Variants in GFPT2 observed in about 807,000 individuals in gnomAD.
The protein encoded by GFPT2 is glutamine--fructose-6-phosphate transaminase 2.
A neutral mutation model predicts 85.6 loss-of-function variants in GFPT2; 62 were observed. The observed-to-expected ratio is 0.72, with a 90% CI of 0.59 to 0.90. GFPT2 has a LOEUF of 0.90. Ranked by LOEUF, GFPT2 falls within the 40% of genes least tolerant of loss-of-function variation. The probability of loss-of-function intolerance (pLI) is 0.00; values close to 1 mark genes in which losing one functional copy is unlikely to be tolerated. For missense variants in GFPT2, 788 were observed against 893.4 expected (o/e 0.88, Z 1.50); for synonymous variants, 368 against 344.5 (o/e 1.07, Z -0.75).
At chr5:180,340,649 C>A (rs1764497611) in intron 1 of GFPT2, among the ~76,000 whole-genome samples, 1 of 151,612 alleles carries the variant, frequency 6.6e-6, no homozygotes, top group South Asian at 2.1e-4. Context: ...GTAGCTGGGA[C>A]TACAGGTGCC....
At position 180,330,651 on chromosome 5, in the gene GFPT2, T is replaced by C. The variant is rs1764284760; in HGVS notation, c.534+49A>G. On this transcript the variant is annotated intron_variant, in intron 6 of 18. Transcript: ENST00000253778. The surrounding 1 kb of genome is among the most constrained non-coding windows in gnomAD (Gnocchi z 4.4). Reference sequence around the variant, plus strand: ...ACTTGCTGCTTGAAAAAAATGTTTTTAATGAAAGAATGAAGGAATGAGTTA... The same window carrying C: ...ACTTGCTGCTTGAAAAAAATGTTTTCAATGAAAGAATGAAGGAATGAGTTA... The C allele has an allele frequency of 6.6e-7, 1 of 1,515,800 alleles. No individual in the cohort carries two copies. Among genetic ancestry groups the C allele is most frequent in the East Asian group, 2.3e-5 (1 of 44,164 alleles). 93.9% of individuals were successfully genotyped at this position (1,515,800 alleles called of 1,614,324 possible).
intron 7 of GFPT2, among the ~76,000 whole-genome samples, chr5:180,325,897 T>C (rs1277746670): frequency 2.6e-5 from 4 of 151,914 alleles, no homozygotes; most frequent in Admixed American, 1.3e-4. Context: ...TGGTGGGGGG[T>C]GCCTGTAATC....
rs918234279 is a variant in GFPT2, at chr5:180,305,079, G to A, written c.1675-140C>T. Reference sequence around the variant, plus strand: ...GGGTTGCAAGGCAGACAGATGCCTGGAGTGCTTGACAGCACTGAGGACACC... The same window carrying A: ...GGGTTGCAAGGCAGACAGATGCCTGAAGTGCTTGACAGCACTGAGGACACC... On this transcript the variant is annotated intron_variant, in intron 16 of 18. Transcript: ENST00000253778. The A allele has an allele frequency of 3.8e-5, 26 of 682,788 alleles. No individual in the cohort carries two copies. In the Middle Eastern group the frequency reaches 1.2e-3, roughly 31 times the overall value. The allele number at this position is 682,788 out of a possible 1,614,324, so 42.3% of individuals were successfully genotyped here. A position where few individuals can be genotyped will look rare whatever the true frequency, so the allele number is the denominator to read the frequency against.
intron 15 of GFPT2, 62 bp downstream of exon 15, chr5:180,312,368 G>T (rs1016722352): frequency 2.3e-6 from 2 of 878,994 alleles, no homozygotes; most frequent in Non-Finnish European, 3.9e-6. Context: ...AGAGTCAACA[G>T]AGAATGGCCA....
chr5:180,339,474 T>C (rs1764468564), intron 1 of GFPT2, among the ~76,000 whole-genome samples: 1 of 151,758 alleles, frequency 6.6e-6, no homozygotes, highest in African/African-American at 2.4e-5. Flanking sequence ...ATGTTCAAGG[T>C]AGGCCTATGA....
intron 15 of GFPT2, among the ~76,000 whole-genome samples, chr5:180,311,485 C>T (rs1396876252): frequency 6.6e-6 from 1 of 152,358 alleles, no homozygotes; most frequent in Non-Finnish European, 1.5e-5. Flanking sequence ...ACGACAGCTG[C>T]GACTGCTGCT....
rs541221658 is a variant in GFPT2 at position 180,307,145 on chromosome 5, G to A, written c.1674+31C>T. 4.4e-5 allele frequency: 67 copies of A among 1,534,340 alleles called. No individual in the cohort carries two copies. The African/African-American group carries it at 8.1e-4, about 19-fold the overall frequency. Reference sequence around the variant, plus strand: ...TCAGGGTCTCCTGTGCCTGTCCTCCGTGGGGGTGGGGGCTGGGGGTGGGGG... The same window carrying A: ...TCAGGGTCTCCTGTGCCTGTCCTCCATGGGGGTGGGGGCTGGGGGTGGGGG... On this transcript the variant is annotated intron_variant, in intron 16 of 18. Coordinates refer to ENST00000253778, the MANE Select transcript of GFPT2 (RefSeq NM_005110.4).
At chr5:180,339,773 T>C (rs1228897592) in intron 1 of GFPT2, among the ~76,000 whole-genome samples, 3 of 152,230 alleles carry the variant, frequency 2.0e-5, no homozygotes, top group Non-Finnish European at 4.4e-5. Flanking sequence ...GCCACCTCAG[T>C]GCTCTCACGT....
intron 7 of GFPT2, among the ~76,000 whole-genome samples, chr5:180,325,650 G>A (rs901736868): frequency 6.6e-6 from 1 of 152,248 alleles, no homozygotes; most frequent in Non-Finnish European, 1.5e-5. Flanking sequence ...GGCTCTCTGA[G>A]CACCTCAGCA....
chr5:180,324,209 A>C lies in GFPT2; in HGVS notation c.773T>G (p.Phe258Cys). 6.2e-7 allele frequency: 1 copy of C among 1,605,572 alleles called. No individual in the cohort carries two copies. The highest frequency in any genetic ancestry group is 8.5e-7 in the Non-Finnish European group (1 of 1,172,710). ...TTACCTTGCATCAGAAGCAAAGAAG[A>C]ATTCCACGGCCTTGTCGCCCACAGC... ...LHAVGDKAVE[F>C]FFASDASAII... The change falls in exon 9 of 19, where the codon TTC becomes TGC. Residue 258 changes from phenylalanine (F) to cysteine (C), a missense_variant. Phe to Cys is a radical substitution (Grantham distance 205). Coordinates refer to ENST00000253778, the MANE Select transcript of GFPT2 (RefSeq NM_005110.4).
In GFPT2 at chr5:180,323,261, A is replaced by C. The variant is rs1320417155; in HGVS notation, c.794+927T>G. Reference sequence around the variant, plus strand: ...CGTGTTCTAAGGGGCACCATTTGGGAAGCGCTGCCTTGACCTCAGCGTTAA... The same window carrying C: ...CGTGTTCTAAGGGGCACCATTTGGGCAGCGCTGCCTTGACCTCAGCGTTAA... On this transcript the variant is annotated intron_variant, in intron 9 of 18. Transcript: ENST00000253778. The surrounding 1 kb of genome is among the most constrained non-coding windows in gnomAD (Gnocchi z 4.0). Among the ~76,000 whole-genome samples, 6 of 152,118 alleles carry C rather than the reference A, an allele frequency of 3.9e-5. No individual in the cohort carries two copies. Among genetic ancestry groups the C allele is most frequent in the Non-Finnish European group, 8.8e-5 (6 of 68,024 alleles).
intron 2 of GFPT2, 96 bp from the exon 3 acceptor site, chr5:180,336,673 C>T: frequency 1.2e-6 from 1 of 825,910 alleles, no homozygotes. Flanking sequence ...ATGCCCCGGG[C>T]TGTCCGTTTA....
intron 1 of GFPT2, among the ~76,000 whole-genome samples, chr5:180,350,906 G>A (rs750759765): frequency 3.3e-5 from 5 of 152,152 alleles, no homozygotes; most frequent in Non-Finnish European, 5.9e-5. Flanking sequence ...TTAGGTCTCC[G>A]CCCCTGAGGG....
At chr5:180,331,069 T>G in intron 5 of GFPT2, 1 of 547,050 alleles carries the variant, frequency 1.8e-6, no homozygotes, top group Non-Finnish European at 3.2e-6. Flanking sequence ...ATCTGGACAT[T>G]GCAAAATAAC....
chr5:180,323,936 T>C lies in GFPT2; in HGVS notation c.794+252A>G, dbSNP rs1764165531. Reference sequence around the variant, plus strand: ...ATTGGCAACTAACCCATTCATTTTGTGCAGGCTCGAAGCACTGTGCCCACC... The same window carrying C: ...ATTGGCAACTAACCCATTCATTTTGCGCAGGCTCGAAGCACTGTGCCCACC... On this transcript the variant is annotated intron_variant, in intron 9 of 18. Transcript: ENST00000253778. This position sits in a 1 kb window ranked among gnomAD's most constrained non-coding sequence, Gnocchi z 4.0. Among the ~76,000 whole-genome samples the C allele has an allele frequency of 6.6e-6, 1 of 152,254 alleles. No homozygotes were observed. Among genetic ancestry groups the C allele is most frequent in the African/African-American group, 2.4e-5 (1 of 41,478 alleles).
chr5:180,307,093 C>A (rs986744638), intron 16 of GFPT2, 83 bp downstream of exon 16: 3 of 1,206,448 alleles, frequency 2.5e-6, no homozygotes, highest in Non-Finnish European at 2.4e-6. Context: ...CCAAGCCCAA[C>A]GCCCTGCCCT....
At chr5:180,340,067 C>T (rs569173644) in intron 1 of GFPT2, among the ~76,000 whole-genome samples, 2 of 152,226 alleles carry the variant, frequency 1.3e-5, no homozygotes, top group Admixed American at 6.5e-5. Flanking sequence ...TTCTGGAGGC[C>T]GAGAAGTCCA....
intron 1 of GFPT2, among the ~76,000 whole-genome samples, chr5:180,339,433 T>C (rs532635315): frequency 2.1e-5 from 3 of 144,540 alleles, no homozygotes; most frequent in East Asian, 4.3e-4. Context: ...AATAAAACCA[T>C]CTCATGCCCC....
intron 4 of GFPT2, 89 bp downstream of exon 4, chr5:180,335,739 G>T: frequency 1.5e-6 from 2 of 1,334,788 alleles, no homozygotes; most frequent in Non-Finnish European, 2.1e-6. Flanking sequence ...TCAGTTAGAG[G>T]TGGGCGCGGA....
Sources: gnomAD v4.1 joint callset for allele counts (sites outside exome capture counted in the v4.1 genomes callset) on GRCh38, gnomAD v4.1.1 for gene constraint, Gnocchi (gnomAD v3.1) non-coding constraint, MANE v1.5 for transcripts, NCBI Gene and HGNC (gene_info 2026-07-23, HGNC 2026-07-21) for gene names.